Variants in DPP6 observed in about 807,000 individuals in gnomAD.
DPP6 encodes the protein A-type potassium channel modulatory protein DPP6.
A neutral mutation model predicts 122.6 loss-of-function variants in DPP6; 69 were observed. That is an observed-to-expected ratio of 0.56 (90% confidence interval 0.46 to 0.69). The LOEUF (loss-of-function observed/expected upper bound fraction) is 0.69, where lower values mean the gene tolerates loss of function less well. Ranked by LOEUF, DPP6 falls within the 30% of genes least tolerant of loss-of-function variation. The pLI, the probability that DPP6 is intolerant of heterozygous loss-of-function variation, is 0.00. For missense variants in DPP6, 928 were observed against 1,116.9 expected (o/e 0.83, Z 2.41); for synonymous variants, 418 against 433.1 (o/e 0.97, Z 0.43).
At chr7:154,648,574 A>T (rs1836655453) in intron 6 of DPP6, among the ~76,000 whole-genome samples, 3 of 152,072 alleles carry the variant, frequency 2.0e-5, no homozygotes, top group Admixed American at 2.0e-4. Flanking sequence ...ACCAACACCA[A>T]CTGTACGTAT....
intron 1 of DPP6, among the ~76,000 whole-genome samples, chr7:153,975,271 G>C (rs1384753760): frequency 6.6e-6 from 1 of 151,586 alleles, no homozygotes; most frequent in Non-Finnish European, 1.5e-5. Flanking sequence ...ACTTATGAAA[G>C]GAGTCTTCTG....
At chr7:154,785,585 CCCCCG>C (rs1447363798) in intron 10 of DPP6, among the ~76,000 whole-genome samples, 1 of 152,102 alleles carries the variant, frequency 6.6e-6, no homozygotes. Context: ...TGAGATTAGT[CCCCCG>C]CCCTTTCCTA....
chr7:154,580,241 A>T (rs1198648179), intron 5 of DPP6, among the ~76,000 whole-genome samples: 1 of 150,310 alleles, frequency 6.7e-6, no homozygotes, highest in East Asian at 2.0e-4. Flanking sequence ...ATACACACAC[A>T]CATGCACACA....
intron 1 of DPP6, among the ~76,000 whole-genome samples, chr7:154,405,139 G>A (rs184847601): frequency 1.2e-3 from 183 of 152,116 alleles, no homozygotes; most frequent in African/African-American, 4.0e-3. Flanking sequence ...TATAAAGTAA[G>A]ACCCATTATT....
chr7:154,104,649 C>A (rs1339057526), intron 1 of DPP6, among the ~76,000 whole-genome samples: 1 of 152,280 alleles, frequency 6.6e-6, no homozygotes, highest in Non-Finnish European at 1.5e-5. Context: ...CCTGTACACA[C>A]TGCAGCTGTT....
In DPP6 at chr7:154,863,503, G is replaced by A. The variant is rs1253410878; in HGVS notation, c.1715-4492G>A. Among the ~76,000 whole-genome samples the A allele has an allele frequency of 6.6e-6, 1 of 151,926 alleles. No homozygotes were observed. Among genetic ancestry groups the A allele is most frequent in the Admixed American group, 6.6e-5 (1 of 15,248 alleles). On this transcript the variant is annotated intron_variant, in intron 17 of 25. Coordinates refer to ENST00000377770, the MANE Select transcript of DPP6 (RefSeq NM_130797.4). The surrounding 1 kb of genome is among the most constrained non-coding windows in gnomAD (Gnocchi z 4.1). Reference sequence around the variant, plus strand: ...CCTGAGTAACTGGGACCACAGGTGTGTGCCACCATGCCTGGATTTTTTTAT... The same window carrying A: ...CCTGAGTAACTGGGACCACAGGTGTATGCCACCATGCCTGGATTTTTTTAT...
intron 1 of DPP6, among the ~76,000 whole-genome samples, chr7:154,400,448 A>G (rs890703500): frequency 6.6e-6 from 1 of 152,212 alleles, no homozygotes; most frequent in African/African-American, 2.4e-5. Flanking sequence ...GTGATCTCTG[A>G]AATTATGATC....
chr7:153,757,914 G>A, the DPP6 span, among the ~76,000 whole-genome samples: 10 of 152,298 alleles, frequency 6.6e-5, no homozygotes, highest in Non-Finnish European at 8.8e-5. Context: ...AGCCAAGATC[G>A]TGCCACTGCA....
chr7:154,134,760 C>T (rs1049263030), intron 1 of DPP6, among the ~76,000 whole-genome samples: 1 of 152,146 alleles, frequency 6.6e-6, no homozygotes, highest in African/African-American at 2.4e-5. Context: ...GTGAACACCT[C>T]CTATGAGCCC....
the DPP6 span, among the ~76,000 whole-genome samples, chr7:153,789,753 C>G: frequency 6.6e-6 from 1 of 152,102 alleles, no homozygotes; most frequent in Non-Finnish European, 1.5e-5. Context: ...GGGACTTTTA[C>G]CACTGTATTG....
At chr7:153,788,564 CA>C in the DPP6 span, among the ~76,000 whole-genome samples, 1 of 152,180 alleles carries the variant, frequency 6.6e-6, no homozygotes. Context: ...ACACAGTTGT[CA>C]TTGACTGTAC....
intron 1 of DPP6, among the ~76,000 whole-genome samples, chr7:154,195,942 T>C (rs1045021295): frequency 6.6e-6 from 1 of 152,170 alleles, no homozygotes; most frequent in Non-Finnish European, 1.5e-5. Flanking sequence ...TTTCCCTTTT[T>C]CGGTTTGGCA....
intron 1 of DPP6, among the ~76,000 whole-genome samples, 185 bp downstream of exon 1, chr7:154,053,248 G>C (rs989523244): frequency 1.3e-5 from 2 of 150,718 alleles, no homozygotes; most frequent in Non-Finnish European, 3.0e-5. Flanking sequence ...CCCGGAGGGA[G>C]CGGGTCTGTG....
chr7:154,627,521 A>G (rs766606614), intron 5 of DPP6, among the ~76,000 whole-genome samples: 1 of 152,134 alleles, frequency 6.6e-6, no homozygotes, highest in Non-Finnish European at 1.5e-5. Flanking sequence ...AGTCATTATA[A>G]CAAGACGTTT....
chr7:154,538,938 T>C (rs1828487943), intron 3 of DPP6, among the ~76,000 whole-genome samples: 1 of 152,202 alleles, frequency 6.6e-6, no homozygotes, highest in African/African-American at 2.4e-5. Context: ...CACTGAAGCT[T>C]TGGATGTAAT....
chr7:154,847,400 A>T (rs1408616271), intron 16 of DPP6, among the ~76,000 whole-genome samples: 1 of 152,198 alleles, frequency 6.6e-6, no homozygotes, highest in Admixed American at 6.5e-5. Context: ...ACGAGAGAGG[A>T]CTGGGATTAG....
chr7:154,511,329 C>T, intron 3 of DPP6, among the ~76,000 whole-genome samples: 1 of 152,068 alleles, frequency 6.6e-6, no homozygotes, highest in African/African-American at 2.4e-5. Flanking sequence ...GGTTAAGTAA[C>T]TTATTCTTAG....
chr7:154,323,259 A>G (rs1308466782), intron 1 of DPP6, among the ~76,000 whole-genome samples: 4 of 151,712 alleles, frequency 2.6e-5, no homozygotes, highest in Admixed American at 6.6e-5. Flanking sequence ...TCTCTTTTGG[A>G]GTTTATGTAT....
chr7:154,250,978 C>G (rs1802315570), intron 1 of DPP6, among the ~76,000 whole-genome samples: 1 of 152,226 alleles, frequency 6.6e-6, no homozygotes, highest in African/African-American at 2.4e-5. Flanking sequence ...ACGAGCCCCA[C>G]CCAAGTGAAT....
Sources: allele counts gnomAD v4.1 joint callset (sites outside exome capture counted in the v4.1 genomes callset), GRCh38; gene constraint gnomAD v4.1.1; non-coding constraint Gnocchi (gnomAD v3.1); transcripts MANE v1.5; gene names NCBI Gene and HGNC (gene_info 2026-07-23, HGNC 2026-07-21).